The following ZNF827 variants were observed in gnomAD, a reference collection of about 807,000 sequenced individuals.
ZNF827 encodes zinc finger protein 827.
Under a neutral mutation model 102.4 loss-of-function variants are expected in ZNF827, and 13 were observed. That is an observed-to-expected ratio of 0.13 (90% confidence interval 0.08 to 0.20). ZNF827 has a LOEUF of 0.20. ZNF827 is among the 10% of genes least tolerant of loss of function. The pLI, the probability that ZNF827 is intolerant of heterozygous loss-of-function variation, is 1.00. For missense variants in ZNF827, 1,103 were observed against 1,344.4 expected (o/e 0.82, Z 2.81); for synonymous variants, 523 against 536.2 (o/e 0.98, Z 0.34).
intron 8 of ZNF827, among the ~76,000 whole-genome samples, chr4:145,802,917 G>C (rs994200873): frequency 2.0e-5 from 3 of 152,154 alleles, no homozygotes; most frequent in African/African-American, 7.2e-5. Flanking sequence ...TCCAGCCCAG[G>C]TGACAGGTTG....
intron 9 of ZNF827, among the ~76,000 whole-genome samples, chr4:145,776,510 C>T (rs953267134): frequency 6.6e-6 from 1 of 151,544 alleles, no homozygotes; most frequent in Non-Finnish European, 1.5e-5. Flanking sequence ...AATAGATAAC[C>T]TGCTTTTTTT....
At chr4:145,848,927 T>G (rs1161784111) in intron 6 of ZNF827, among the ~76,000 whole-genome samples, 1 of 152,130 alleles carries the variant, frequency 6.6e-6, no homozygotes, top group Non-Finnish European at 1.5e-5. Context: ...CAGACCACAC[T>G]AATTTGGAAG....
intron 1 of ZNF827, among the ~76,000 whole-genome samples, chr4:145,933,804 A>G (rs1376719634): frequency 6.6e-6 from 1 of 151,930 alleles, no homozygotes; most frequent in African/African-American, 2.4e-5. Context: ...AAAAAAACAA[A>G]AAAACAAGAG....
At chr4:145,882,338 C>A (rs1749738471) in intron 4 of ZNF827, among the ~76,000 whole-genome samples, 1 of 152,168 alleles carries the variant, frequency 6.6e-6, no homozygotes, top group Admixed American at 6.5e-5. Context: ...CTGAAAGCTG[C>A]CCATACTATT....
intron 5 of ZNF827, among the ~76,000 whole-genome samples, chr4:145,868,208 T>C (rs1748374954): frequency 6.6e-6 from 1 of 152,232 alleles, no homozygotes; most frequent in Non-Finnish European, 1.5e-5. Context: ...CACTAGAGTA[T>C]GGCAGTACTA....
At chr4:145,889,672 A>G (rs1750431212) in intron 3 of ZNF827, among the ~76,000 whole-genome samples, 1 of 151,888 alleles carries the variant, frequency 6.6e-6, no homozygotes, top group South Asian at 2.1e-4. Flanking sequence ...CTTAGGCAGA[A>G]TTCATTAAGA....
chr4:145,811,979 G>A (rs1218698457), intron 8 of ZNF827, among the ~76,000 whole-genome samples: 1 of 151,532 alleles, frequency 6.6e-6, no homozygotes, highest in Non-Finnish European at 1.5e-5. Context: ...CAGTGGCACA[G>A]TCTGAGCTCA....
intron 1 of ZNF827, among the ~76,000 whole-genome samples, chr4:145,915,501 A>G (rs139081889): frequency 6.6e-6 from 1 of 152,128 alleles, no homozygotes; most frequent in East Asian, 1.9e-4. Flanking sequence ...TAAGGATACT[A>G]ATCTATTCAT....
chr4:145,779,347 C>A (rs1737608329), intron 9 of ZNF827, 27 bp downstream of exon 9: 1 of 1,610,278 alleles, frequency 6.2e-7, no homozygotes, highest in Admixed American at 1.7e-5. Context: ...GCATAGAGGG[C>A]TGACAGCCCA....
At chr4:145,916,443 C>A (rs1286533492) in intron 1 of ZNF827, among the ~76,000 whole-genome samples, 1 of 152,214 alleles carries the variant, frequency 6.6e-6, no homozygotes, top group Admixed American at 6.5e-5. Context: ...AGCCCAGTGT[C>A]TCAAGGGCAC....
intron 7 of ZNF827, among the ~76,000 whole-genome samples, chr4:145,838,122 C>G (rs558121447): frequency 3.3e-5 from 5 of 152,152 alleles, no homozygotes; most frequent in Non-Finnish European, 5.9e-5. Flanking sequence ...GCCCAGATGG[C>G]CTGAAGTAAC....
intron 5 of ZNF827, among the ~76,000 whole-genome samples, chr4:145,866,762 T>C (rs980770162): frequency 2.6e-5 from 4 of 152,252 alleles, no homozygotes; most frequent in African/African-American, 7.2e-5. Flanking sequence ...ATTTTATATA[T>C]GTATTCCCAT....
chr4:145,810,033 T>C (rs1215675460), intron 8 of ZNF827, among the ~76,000 whole-genome samples: 1 of 152,238 alleles, frequency 6.6e-6, no homozygotes, highest in Non-Finnish European at 1.5e-5. Context: ...GAAAGTAACA[T>C]ATACTTCTTA....
At chr4:145,915,680 T>C (rs1752617003) in intron 1 of ZNF827, among the ~76,000 whole-genome samples, 1 of 152,204 alleles carries the variant, frequency 6.6e-6, no homozygotes, top group African/African-American at 2.4e-5. Context: ...AATATATTCA[T>C]TCCATCACAA....
At chr4:145,816,574 AAT>A in intron 8 of ZNF827, among the ~76,000 whole-genome samples, 1 of 152,344 alleles carries the variant, frequency 6.6e-6, no homozygotes, top group Admixed American at 6.5e-5. Flanking sequence ...ACTAGTTTCT[AAT>A]AGAGTCAACA....
chr4:145,819,173 T>C (rs886873258), intron 8 of ZNF827, among the ~76,000 whole-genome samples: 1 of 152,094 alleles, frequency 6.6e-6, no homozygotes, highest in African/African-American at 2.4e-5. Flanking sequence ...TAATTGCAGA[T>C]GTGCTTTACA....
intron 3 of ZNF827, among the ~76,000 whole-genome samples, chr4:145,886,655 T>C (rs997986973): frequency 1.3e-5 from 2 of 152,048 alleles, no homozygotes; most frequent in Non-Finnish European, 2.9e-5. Context: ...TAGAAAATAA[T>C]GTCTCCAGGG....
chr4:145,929,887 C>G (rs751515449), intron 1 of ZNF827, among the ~76,000 whole-genome samples: 7 of 152,114 alleles, frequency 4.6e-5, no homozygotes, highest in Non-Finnish European at 1.0e-4. Flanking sequence ...AAACTATTAC[C>G]ACTATTTAAA....
rs941069284 is a variant in ZNF827 at position 145,763,537 on chromosome 4, G to A, written c.3231-415C>T. Among the ~76,000 whole-genome samples, 1 of 152,200 alleles carries A rather than the reference G, an allele frequency of 6.6e-6. No individual in the cohort carries two copies. The highest frequency in any genetic ancestry group is 2.4e-5 in the African/African-American group (1 of 41,450). On this transcript the variant is annotated intron_variant, in intron 13 of 14. Coordinates refer to ENST00000508784, the MANE Select transcript of ZNF827 (RefSeq NM_001306215.2). This position sits in a 1 kb window ranked among gnomAD's most constrained non-coding sequence, Gnocchi z 4.6. The stretch of plus-strand genomic sequence containing the variant: ...ACCAGCAAAAGCATCAGAATTCACT[G>A]TGCATTCTCCCCAATGGCTTCAGAG...
Sources: gnomAD v4.1 joint callset for allele counts (sites outside exome capture counted in the v4.1 genomes callset) on GRCh38, gnomAD v4.1.1 for gene constraint, Gnocchi (gnomAD v3.1) non-coding constraint, MANE v1.5 for transcripts, NCBI Gene and HGNC (gene_info 2026-07-23, HGNC 2026-07-21) for gene names.